FA2H: variants seen among roughly 807,000 people sequenced by gnomAD.
FA2H encodes the protein fatty acid 2-hydroxylase.
A neutral mutation model predicts 44.9 loss-of-function variants in FA2H; 22 were observed. The ratio of observed to expected loss-of-function variants is 0.49; its 90% CI spans 0.35 to 0.70. The LOEUF (loss-of-function observed/expected upper bound fraction) is 0.70. Among genes scored for constraint, FA2H ranks in the 30% least tolerant of loss-of-function variants. The probability of loss-of-function intolerance (pLI) is 0.01; values close to 1 mark genes in which losing one functional copy is unlikely to be tolerated. For synonymous variants in FA2H, 243 were observed against 213.2 expected, an observed-to-expected ratio of 1.14 and a Z score of -1.22; for missense variants, 501 against 504.9, an observed-to-expected ratio of 0.99 and a Z score of 0.07.
intron 1 of FA2H, among the ~76,000 whole-genome samples, chr16:74,744,450 CT>C (rs35646878): frequency 0.1 from 13,385 of 129,502 alleles, 805 homozygotes; most frequent in African/African-American, 0.26. Context: ...CAGATGATGC[CT>C]TTTTTTTTTT....
intron 1 of FA2H, among the ~76,000 whole-genome samples, chr16:74,767,465 T>C (rs1271148378): frequency 1.3e-5 from 2 of 152,222 alleles, no homozygotes; most frequent in African/African-American, 4.8e-5. Flanking sequence ...CAAAAGGGAC[T>C]CTGCAGATGT....
At chr16:74,726,441 T>G in intron 3 of FA2H, 110 bp from the exon 4 acceptor site, 1 of 709,986 alleles carries the variant, frequency 1.4e-6, no homozygotes, top group Non-Finnish European at 2.5e-6. Flanking sequence ...CAGGCTGGAG[T>G]GCAATGGCGT....
chr16:74,751,262 T>C (rs1342637703), intron 1 of FA2H, among the ~76,000 whole-genome samples: 1 of 151,868 alleles, frequency 6.6e-6, no homozygotes, highest in Non-Finnish European at 1.5e-5. Flanking sequence ...GCCTGACTAA[T>C]TTTTTGTATT....
intron 1 of FA2H, among the ~76,000 whole-genome samples, chr16:74,772,371 T>C (rs1435269156): frequency 1.3e-5 from 2 of 152,234 alleles, no homozygotes; most frequent in Non-Finnish European, 2.9e-5. Flanking sequence ...TCTAGATCCG[T>C]ACTCTGATAC....
chr16:74,763,279 A>G (rs1479692007), intron 1 of FA2H, among the ~76,000 whole-genome samples: 1 of 151,864 alleles, frequency 6.6e-6, no homozygotes, highest in African/African-American at 2.4e-5. Flanking sequence ...TTTTTTTGAG[A>G]CAGAGTCTCA....
At chr16:74,732,853 C>A (rs976209376) in intron 2 of FA2H, among the ~76,000 whole-genome samples, 4 of 152,214 alleles carry the variant, frequency 2.6e-5, no homozygotes, top group African/African-American at 9.6e-5. Flanking sequence ...GGAAACAGAA[C>A]AAAAGCACAG....
At chr16:74,720,854 C>G (rs190096438) in intron 4 of FA2H, among the ~76,000 whole-genome samples, 1 of 152,122 alleles carries the variant, frequency 6.6e-6, no homozygotes, top group Admixed American at 6.5e-5. Flanking sequence ...CTTTTATGAC[C>G]GGCTTCTCTT....
In FA2H at chr16:74,717,663, T is replaced by C. The variant is rs185986886; in HGVS notation, c.787-1064A>G. On this transcript the variant is annotated intron_variant, in intron 5 of 6. Coordinates refer to ENST00000219368, the MANE Select transcript of FA2H (RefSeq NM_024306.5). The stretch of plus-strand genomic sequence containing the variant: ...ATAGGTCTGGGGATCTGAGAACACG[T>C]TCCTGATTGGAGCCCACGTGGCTAC... 5.4e-4 allele frequency among the ~76,000 whole-genome samples: 83 copies of C among 152,332 alleles called. 1 individual carries two copies. Among genetic ancestry groups the C allele is most frequent in the Non-Finnish European group, 2.9e-5 (2 of 68,034 alleles).
intron 2 of FA2H, among the ~76,000 whole-genome samples, chr16:74,729,949 C>A (rs564424062): frequency 5.7e-4 from 86 of 152,196 alleles, no homozygotes; most frequent in African/African-American, 1.9e-3. Flanking sequence ...GGGAGAGGAG[C>A]AAGGGCTGCA....
chr16:74,766,491 T>A (rs970649987), intron 1 of FA2H, among the ~76,000 whole-genome samples: 2 of 152,110 alleles, frequency 1.3e-5, no homozygotes, highest in East Asian at 1.9e-4. Flanking sequence ...TTAGGAGCCC[T>A]GCCATAACAT....
intron 1 of FA2H, among the ~76,000 whole-genome samples, chr16:74,744,954 C>G (rs1329177595): frequency 6.6e-6 from 1 of 152,166 alleles, no homozygotes; most frequent in East Asian, 1.9e-4. Flanking sequence ...TAGTTAGACC[C>G]ACACTGGCTT....
At chr16:74,748,401 C>A (rs1248949947) in intron 1 of FA2H, among the ~76,000 whole-genome samples, 1 of 152,222 alleles carries the variant, frequency 6.6e-6, no homozygotes, top group African/African-American at 2.4e-5. Flanking sequence ...CACAACTCTC[C>A]CTGAGAGACT....
At chr16:74,768,028 G>C (rs1204808970) in intron 1 of FA2H, among the ~76,000 whole-genome samples, 1 of 152,148 alleles carries the variant, frequency 6.6e-6, no homozygotes, top group Non-Finnish European at 1.5e-5. Context: ...GTGGGTTTCA[G>C]AGCGCATGGG....
chr16:74,732,358 G>T (rs746677426), intron 2 of FA2H, among the ~76,000 whole-genome samples: 1 of 152,164 alleles, frequency 6.6e-6, no homozygotes, highest in Non-Finnish European at 1.5e-5. Flanking sequence ...CAGTGGTTTG[G>T]GCAAATTTTA....
At chr16:74,753,333 A>G (rs951885795) in intron 1 of FA2H, among the ~76,000 whole-genome samples, 15 of 152,194 alleles carry the variant, frequency 9.9e-5, no homozygotes, top group Non-Finnish European at 1.9e-4. Flanking sequence ...CCACAGCTCA[A>G]CTGCTCCGCA....
chr16:74,731,920 G>A (rs1262080298), intron 2 of FA2H, among the ~76,000 whole-genome samples: 3 of 152,172 alleles, frequency 2.0e-5, no homozygotes, highest in Admixed American at 2.0e-4. Flanking sequence ...TTGCCCAAGT[G>A]AGAGTGCGGT....
chr16:74,730,142 C>T (rs761524807), intron 2 of FA2H, among the ~76,000 whole-genome samples: 96 of 152,306 alleles, frequency 6.3e-4, no homozygotes, highest in African/African-American at 1.9e-3. Flanking sequence ...GAGCTGGTCT[C>T]GCCCATCACA....
intron 1 of FA2H, among the ~76,000 whole-genome samples, chr16:74,745,706 C>T (rs1404222264): frequency 1.3e-5 from 2 of 152,178 alleles, no homozygotes; most frequent in Non-Finnish European, 2.9e-5. Flanking sequence ...CTCACTGCTC[C>T]CAGCACAACG....
At chr16:74,767,924 C>T (rs150933300) in intron 1 of FA2H, among the ~76,000 whole-genome samples, 1 of 152,298 alleles carries the variant, frequency 6.6e-6, no homozygotes, top group African/African-American at 2.4e-5. Flanking sequence ...TCACCAGTTG[C>T]TGCCAGGCCA....
Sources: allele counts gnomAD v4.1 joint callset (sites outside exome capture counted in the v4.1 genomes callset), GRCh38; gene constraint gnomAD v4.1.1; transcripts MANE v1.5; gene names NCBI Gene and HGNC (gene_info 2026-07-23, HGNC 2026-07-21).